Variants in C9 observed in about 807,000 individuals in gnomAD.
C9 encodes the protein complement C9, also known as complement component C9.
A neutral mutation model predicts 65.4 loss-of-function variants in C9; 63 were observed. The observed-to-expected ratio is 0.96, with a 90% CI of 0.79 to 1.19. The LOEUF (loss-of-function observed/expected upper bound fraction) is 1.19, where lower values mean the gene tolerates loss of function less well. C9 is among the 50% of genes most tolerant of loss of function. The probability of loss-of-function intolerance (pLI) is 0.00; values close to 1 mark genes in which losing one functional copy is unlikely to be tolerated. For synonymous variants in C9, 229 were observed against 227.9 expected, an observed-to-expected ratio of 1.00 and a Z score of -0.04; for missense variants, 744 against 670.1, an observed-to-expected ratio of 1.11 and a Z score of -1.22.
chr5:39,318,563 T>G (rs1159372180), intron 5 of C9, among the ~76,000 whole-genome samples: 1 of 152,090 alleles, frequency 6.6e-6, no homozygotes, highest in Non-Finnish European at 1.5e-5. Flanking sequence ...AGAACTTTTT[T>G]TTTTTTTTGC....
chr5:39,315,882 AAC>A lies in C9; in HGVS notation c.761_762del (p.Cys254LeufsTer2). On this transcript the variant is annotated frameshift_variant, in exon 6 of 11. Transcript: ENST00000263408. LOFTEE classifies it high-confidence loss of function. ...GAAATTGAGGAGGCTGTTTCCTCACAACATTGTTCAGCTTTATTTGTTTCAGT... is the reference window on the plus strand; with the variant it reads ...GAAATTGAGGAGGCTGTTTCCTCACAATTGTTCAGCTTTATTTGTTTCAGT... ...TPTETNKAEQ[C>X]CEETASSISL... The A allele has an allele frequency of 8.7e-6, 14 of 1,613,362 alleles. No individual in the cohort carries two copies. Among genetic ancestry groups the A allele is most frequent in the Non-Finnish European group, 1.2e-5 (14 of 1,179,390 alleles).
chr5:39,331,140 GA>G (rs1233425077), intron 5 of C9, among the ~76,000 whole-genome samples: 1 of 152,166 alleles, frequency 6.6e-6, no homozygotes, highest in Non-Finnish European at 1.5e-5. Flanking sequence ...TTGTTCTAGA[GA>G]ATTAGGTGAC....
intron 1 of C9, among the ~76,000 whole-genome samples, chr5:39,350,619 C>T (rs1225145369): frequency 2.0e-5 from 3 of 152,172 alleles, no homozygotes; most frequent in Non-Finnish European, 4.4e-5. Context: ...GGGCTACAGG[C>T]ACCATGCAAG....
rs777931319 is a variant in C9 at position 39,341,624 on chromosome 5, TGTC to T, written c.257_259del (p.Arg86del). On this transcript the variant is annotated inframe_deletion, in exon 3 of 11. Transcript: ENST00000263408. ...CTCACAGGGCTCTGTGGGCACACACTGTCGTCTGTCTCCCACAGCGTCGGTGCA... is the reference window on the plus strand; with the variant it reads ...CTCACAGGGCTCTGTGGGCACACACTGTCTGTCTCCCACAGCGTCGGTGCA... 3.1e-6 allele frequency: 5 copies of T among 1,613,482 alleles called. No individual in the cohort carries two copies. Among genetic ancestry groups the T allele is most frequent in the Non-Finnish European group, 4.2e-6 (5 of 1,179,468 alleles).
chr5:39,341,827 G>T, intron 2 of C9, 127 bp from the exon 3 acceptor site: 1 of 901,488 alleles, frequency 1.1e-6, no homozygotes, highest in Non-Finnish European at 1.8e-6. Context: ...GGTGGAAGAA[G>T]TCACTGATGT....
At chr5:39,338,990 T>A (rs1395740802) in intron 4 of C9, among the ~76,000 whole-genome samples, 1 of 151,854 alleles carries the variant, frequency 6.6e-6, no homozygotes, top group Non-Finnish European at 1.5e-5. Flanking sequence ...AAATAACATA[T>A]GTTAAGCTGT....
intron 1 of C9, among the ~76,000 whole-genome samples, chr5:39,349,697 T>C (rs1754286165): frequency 6.6e-6 from 1 of 152,228 alleles, no homozygotes; most frequent in South Asian, 2.1e-4. Flanking sequence ...TGCCTCACTG[T>C]TCCTTTCAGT....
At chr5:39,291,530 A>G (rs1056690810) in intron 9 of C9, among the ~76,000 whole-genome samples, 6 of 151,856 alleles carry the variant, frequency 4.0e-5, no homozygotes, top group Non-Finnish European at 7.4e-5. Context: ...CTAATGACTG[A>G]GAATATTCCA....
intron 1 of C9, among the ~76,000 whole-genome samples, chr5:39,347,669 C>G (rs1754233533): frequency 6.6e-6 from 1 of 152,142 alleles, no homozygotes; most frequent in African/African-American, 2.4e-5. Context: ...GGAAAAACTA[C>G]TTTAAAGTTC....
At chr5:39,320,031 C>A (rs28801513) in intron 5 of C9, among the ~76,000 whole-genome samples, 4,494 of 152,286 alleles carry the variant, frequency 0.03, 204 homozygotes, top group African/African-American at 0.1. Context: ...ATCCCTGCTG[C>A]AGTTAGTCTT....
chr5:39,317,982 A>G (rs1327968325), intron 5 of C9, among the ~76,000 whole-genome samples: 4 of 152,134 alleles, frequency 2.6e-5, no homozygotes, highest in African/African-American at 9.7e-5. Context: ...GTCTGTGAGC[A>G]TGAAATGTTT....
chr5:39,360,660 AAC>A (rs1358674697), intron 1 of C9, among the ~76,000 whole-genome samples: 1 of 152,172 alleles, frequency 6.6e-6, no homozygotes, highest in Non-Finnish European at 1.5e-5. Flanking sequence ...CGCGAAGAAA[AAC>A]ATATATATGG....
intron 5 of C9, among the ~76,000 whole-genome samples, chr5:39,323,771 G>T (rs1391956312): frequency 6.6e-6 from 1 of 151,900 alleles, no homozygotes; most frequent in African/African-American, 2.4e-5. Flanking sequence ...AGACAAGGAT[G>T]CCCATTGTAT....
Position 39,344,899 on chromosome 5 carries a change from G to A in C9, c.78-2703C>T, listed in dbSNP as rs553171679. 9.8e-5 allele frequency among the ~76,000 whole-genome samples: 15 copies of A among 152,290 alleles called. No individual in the cohort carries two copies. The East Asian group carries it at 2.9e-3, about 29-fold the overall frequency. ...CTTAAAGAAAAGAATTTTCAACCCAGAATTTCATATCCAGCCAAACTAAGC... is the reference window on the plus strand; with the variant it reads ...CTTAAAGAAAAGAATTTTCAACCCAAAATTTCATATCCAGCCAAACTAAGC... On this transcript the variant is annotated intron_variant, in intron 1 of 10. Coordinates refer to ENST00000263408, the MANE Select transcript of C9 (RefSeq NM_001737.5).
At chr5:39,351,866 C>T (rs1451752176) in intron 1 of C9, among the ~76,000 whole-genome samples, 1 of 152,186 alleles carries the variant, frequency 6.6e-6, no homozygotes, top group African/African-American at 2.4e-5. Context: ...GCCTGTTACC[C>T]AGTTCCAAAG....
intron 4 of C9, among the ~76,000 whole-genome samples, chr5:39,334,038 T>A (rs1335667947): frequency 6.6e-6 from 1 of 151,852 alleles, no homozygotes; most frequent in East Asian, 2.0e-4. Flanking sequence ...CGCCACCCCG[T>A]CTGGGAAGTG....
intron 9 of C9, among the ~76,000 whole-genome samples, chr5:39,295,330 C>A (rs972757625): frequency 6.6e-6 from 1 of 151,702 alleles, no homozygotes; most frequent in African/African-American, 2.4e-5. Flanking sequence ...CCAAAATACA[C>A]TTAGAACTGA....
chr5:39,335,616 G>A (rs933189234), intron 4 of C9, among the ~76,000 whole-genome samples: 4 of 152,144 alleles, frequency 2.6e-5, no homozygotes, highest in Non-Finnish European at 5.9e-5. Flanking sequence ...AGGTATGTGC[G>A]AATACTATGT....
chr5:39,306,907 G>A (rs1753391623), intron 8 of C9, 115 bp from the exon 9 acceptor site: 2 of 678,258 alleles, frequency 2.9e-6, no homozygotes, highest in East Asian at 2.7e-5. Context: ...ACAGCCTAAT[G>A]TATTTATTAA....
Sources: gnomAD v4.1 joint callset for allele counts (sites outside exome capture counted in the v4.1 genomes callset) on GRCh38, gnomAD v4.1.1 for gene constraint, MANE v1.5 for transcripts, NCBI Gene and HGNC (gene_info 2026-07-23, HGNC 2026-07-21) for gene names.